The following MTPN variants were observed in gnomAD, a reference collection of about 807,000 sequenced individuals.
MTPN encodes the protein granule cell differentiation protein.
Under a neutral mutation model 13.5 loss-of-function variants are expected in MTPN, and 2 were observed. That is an observed-to-expected ratio of 0.15 (90% CI 0.06 to 0.47). The LOEUF (loss-of-function observed/expected upper bound fraction) is 0.47. Among genes scored for constraint, MTPN ranks in the 20% least tolerant of loss-of-function variants. The pLI, the probability that MTPN is intolerant of heterozygous loss-of-function variation, is 0.97. For missense variants in MTPN, 79 were observed against 137.9 expected (o/e 0.57, Z 2.14); for synonymous variants, 46 against 51.7 (o/e 0.89, Z 0.48).
chr7:135,951,807 T>C (rs531105628), intron 1 of MTPN, among the ~76,000 whole-genome samples, 177 bp from the exon 2 acceptor site: 1 of 152,254 alleles, frequency 6.6e-6, no homozygotes, highest in East Asian at 1.9e-4. Flanking sequence ...AGAGTTAACA[T>C]ACAGTATGAT....
Position 135,927,310 on chromosome 7 carries a change from G to T in MTPN, c.*2616C>A, listed in dbSNP as rs570204118. The T allele has an allele frequency of 7.1e-5, 110 of 1,550,314 alleles. No individual in the cohort carries two copies. Among genetic ancestry groups the T allele is most frequent in the Middle Eastern group, 5.0e-4 (3 of 6,004 alleles). The stretch of plus-strand genomic sequence containing the variant: ...AGCTATGCGTAGAAGAACTACTTGG[G>T]ATATTCAAGTGCTGTATTTGAACGA... On this transcript the variant is annotated 3_prime_UTR_variant, in exon 4 of 4. Transcript: ENST00000393085.
At chr7:135,972,231 G>GCGCGCGCACACACACACACACACA (rs779296906) in intron 1 of MTPN, among the ~76,000 whole-genome samples, 32 of 124,712 alleles carry the variant, frequency 2.6e-4, no homozygotes, top group African/African-American at 9.3e-4. Context: ...GCACGCGCGC[G>GCGCGCGCACACACACACACACACA]CACACACACA....
intron 1 of MTPN, among the ~76,000 whole-genome samples, chr7:135,967,173 G>A (rs982298198): frequency 1.3e-5 from 2 of 152,112 alleles, no homozygotes; most frequent in African/African-American, 4.8e-5. Flanking sequence ...TTAAGCCGCT[G>A]TTTTTCAAAT....
chr7:135,930,028 A>G lies in MTPN; in HGVS notation c.271-16T>C. 1 of 1,600,854 alleles carries G rather than the reference A, an allele frequency of 6.2e-7. No homozygotes were observed. Among genetic ancestry groups the G allele is most frequent in the Non-Finnish European group, 8.5e-7 (1 of 1,172,862 alleles). On this transcript the variant is annotated splice_polypyrimidine_tract_variant and intron_variant, in intron 3 of 3. Coordinates refer to ENST00000393085, the MANE Select transcript of MTPN (RefSeq NM_145808.4). Reference sequence around the variant, plus strand: ...TATCAGCACCCTGGAAAAGAGAGGAAAGGGCTCATTAAATGAGCCCACAAC... The same window carrying G: ...TATCAGCACCCTGGAAAAGAGAGGAGAGGGCTCATTAAATGAGCCCACAAC...
In MTPN at chr7:135,968,116, T is replaced by C. The variant is rs140921086; in HGVS notation, c.72+8913A>G. ...TGGCCTACAATTTTTTTTTAATACC[T>C]CCATTTTTCAGTATTTTTCAGATAC... On this transcript the variant is annotated intron_variant, in intron 1 of 3. Transcript: ENST00000393085. Among the ~76,000 whole-genome samples the C allele has an allele frequency of 7.8e-3, 1,184 of 152,162 alleles. 15 individuals carry two copies. Among genetic ancestry groups the C allele is most frequent in the Admixed American group, 0.018 (282 of 15,272 alleles).
intron 1 of MTPN, among the ~76,000 whole-genome samples, chr7:135,972,151 T>C (rs928997542): frequency 6.6e-6 from 1 of 151,512 alleles, no homozygotes; most frequent in Non-Finnish European, 1.5e-5. Flanking sequence ...AATTCTAAAG[T>C]GTTGTTAGCA....
At chr7:135,931,296 A>G (rs975214113) in intron 3 of MTPN, among the ~76,000 whole-genome samples, 4 of 152,188 alleles carry the variant, frequency 2.6e-5, no homozygotes, top group African/African-American at 9.6e-5. Flanking sequence ...AGAGAACAGT[A>G]ACAGGGATGA....
At chr7:135,937,046 C>G (rs1267592716) in intron 3 of MTPN, among the ~76,000 whole-genome samples, 1 of 152,076 alleles carries the variant, frequency 6.6e-6, no homozygotes, top group Non-Finnish European at 1.5e-5. Flanking sequence ...ATATCTTTAC[C>G]TGCTTGTCAC....
intron 3 of MTPN, among the ~76,000 whole-genome samples, chr7:135,941,830 C>T (rs190380678): frequency 6.6e-6 from 1 of 151,568 alleles, no homozygotes; most frequent in Non-Finnish European, 1.5e-5. Flanking sequence ...CACAAACGAG[C>T]CTTCAAATTA....
At chr7:135,943,926 AAG>A (rs1478898040) in intron 3 of MTPN, among the ~76,000 whole-genome samples, 1 of 152,238 alleles carries the variant, frequency 6.6e-6, no homozygotes, top group Non-Finnish European at 1.5e-5. Context: ...TTTGTAATCT[AAG>A]AATAAAACTG....
At chr7:135,961,323 C>A (rs542618934) in intron 1 of MTPN, among the ~76,000 whole-genome samples, 1 of 151,824 alleles carries the variant, frequency 6.6e-6, no homozygotes, top group South Asian at 2.1e-4. Flanking sequence ...TGATTCCCCC[C>A]CTCCCAAAAA....
chr7:135,940,568 A>G (rs1008827201), intron 3 of MTPN, among the ~76,000 whole-genome samples: 2 of 152,154 alleles, frequency 1.3e-5, no homozygotes, highest in Admixed American at 1.3e-4. Flanking sequence ...GACATTGTTA[A>G]CTCCATTTTG....
chr7:135,972,851 T>C (rs1324715270), intron 1 of MTPN, among the ~76,000 whole-genome samples: 1 of 146,706 alleles, frequency 6.8e-6, no homozygotes, highest in African/African-American at 2.8e-5. Flanking sequence ...AGGTGATACT[T>C]ACCCTAGGAG....
intron 1 of MTPN, among the ~76,000 whole-genome samples, chr7:135,955,542 T>C (rs1475717548): frequency 6.6e-6 from 1 of 152,140 alleles, no homozygotes; most frequent in Non-Finnish European, 1.5e-5. Flanking sequence ...TTCCCGAAAA[T>C]GGAAGCGATG....
intron 3 of MTPN, among the ~76,000 whole-genome samples, chr7:135,939,457 G>GTGAC (rs1799168586): frequency 6.6e-6 from 1 of 151,828 alleles, no homozygotes. Flanking sequence ...AAAGCTACAG[G>GTGAC]TGACTATCTG....
At chr7:135,941,194 C>G (rs1047078075) in intron 3 of MTPN, among the ~76,000 whole-genome samples, 2 of 152,168 alleles carry the variant, frequency 1.3e-5, no homozygotes, top group African/African-American at 4.8e-5. Flanking sequence ...GTGGCAAGTA[C>G]TAAAAATAGG....
At chr7:135,953,997 T>C (rs1799403354) in intron 1 of MTPN, among the ~76,000 whole-genome samples, 1 of 152,174 alleles carries the variant, frequency 6.6e-6, no homozygotes, top group Admixed American at 6.5e-5. Flanking sequence ...AATGTCTATA[T>C]AAGGATGTAT....
intron 1 of MTPN, among the ~76,000 whole-genome samples, chr7:135,974,001 T>C (rs1205926450): frequency 1.3e-5 from 2 of 152,226 alleles, no homozygotes; most frequent in Non-Finnish European, 2.9e-5. Flanking sequence ...AAGTTATACA[T>C]GAAACATTTA....
Position 135,940,073 on chromosome 7 carries a change from AAC to A in MTPN, c.271-10063_271-10062del, listed in dbSNP as rs1401369880. Among the ~76,000 whole-genome samples the A allele has an allele frequency of 7.9e-5, 12 of 152,314 alleles. No homozygotes were observed. In the South Asian group the frequency reaches 1.9e-3, roughly 24 times the overall value. Reference sequence around the variant, plus strand: ...TTGAATCAATTTATATGCATTTTAGAACAGTCTTGAGAAACTACTATACTCAC... The same window carrying A: ...TTGAATCAATTTATATGCATTTTAGAAGTCTTGAGAAACTACTATACTCAC... On this transcript the variant is annotated intron_variant, in intron 3 of 3. Transcript: ENST00000393085.
Sources: allele counts gnomAD v4.1 joint callset (sites outside exome capture counted in the v4.1 genomes callset), GRCh38; gene constraint gnomAD v4.1.1; transcripts MANE v1.5; gene names NCBI Gene and HGNC (gene_info 2026-07-23, HGNC 2026-07-21).